ARRDC2: variants seen among roughly 807,000 people sequenced by gnomAD.
ARRDC2 encodes the protein arrestin domain-containing protein 2.
A neutral mutation model predicts 38.9 loss-of-function variants in ARRDC2; 39 were observed. The ratio of observed to expected loss-of-function variants is 1.00; its 90% CI spans 0.78 to 1.31. The LOEUF (loss-of-function observed/expected upper bound fraction) is 1.31, where lower values mean the gene tolerates loss of function less well. Ranked by LOEUF, ARRDC2 falls within the 50% of genes most tolerant of loss-of-function variation. ARRDC2 has a pLI of 0.00. For missense variants in ARRDC2, 553 were observed against 588.4 expected (o/e 0.94, Z 0.62); for synonymous variants, 300 against 261.9 (o/e 1.15, Z -1.41).
chr19:18,006,044 A>G (rs2033270093), upstream of ARRDC2, among the ~76,000 whole-genome samples: 1 of 144,780 alleles, frequency 6.9e-6, no homozygotes, highest in African/African-American at 2.6e-5. Flanking sequence ...CCGGGCAGAG[A>G]CGCTCCTCAC....
chr19:18,009,734 G>A (rs749410568), intron 4 of ARRDC2, 40 bp downstream of exon 4: 5 of 1,612,932 alleles, frequency 3.1e-6, no homozygotes, highest in Non-Finnish European at 4.2e-6. Flanking sequence ...GGGGGCTGGT[G>A]TTGGGGTTGC....
upstream of ARRDC2, among the ~76,000 whole-genome samples, chr19:18,005,971 C>T (rs1462133524): frequency 6.6e-6 from 1 of 150,878 alleles, no homozygotes; most frequent in Non-Finnish European, 1.5e-5. Context: ...GGCCGAGGCT[C>T]TCCTCACATC....
At chr19:18,005,143 CAG>C (rs1332125559), upstream of ARRDC2, among the ~76,000 whole-genome samples, 1 of 151,898 alleles carries the variant, frequency 6.6e-6, no homozygotes, top group Non-Finnish European at 1.5e-5. Flanking sequence ...TTTTCCTAGG[CAG>C]AGTGTTTGTG....
At chr19:18,001,612 C>G (rs1488075519) in intron 1 of ARRDC2, 3 of 1,296,692 alleles carry the variant, frequency 2.3e-6, no homozygotes, top group African/African-American at 1.5e-5. Flanking sequence ...GCAGCCGGGA[C>G]CCCCTCGGCC....
At chr19:18,010,149 G>T in intron 5 of ARRDC2, 47 bp from the exon 6 acceptor site, 1 of 1,607,322 alleles carries the variant, frequency 6.2e-7, no homozygotes, top group Admixed American at 1.7e-5. Flanking sequence ...GGAGGTGGGG[G>T]TTGGGGAGGC....
Position 18,008,238 on chromosome 19 carries a change from T to C in ARRDC2, c.-73T>C. 1 of 1,537,494 alleles carries C rather than the reference T, an allele frequency of 6.5e-7. No individual in the cohort carries two copies. Among genetic ancestry groups the C allele is most frequent in the Non-Finnish European group, 8.7e-7 (1 of 1,152,254 alleles). ...GATTTTGCGTTCTGAGGCTGCAGCGTCGGCATCTTGAGCTGCCGGTTCGCG... is the reference window on the plus strand; with the variant it reads ...GATTTTGCGTTCTGAGGCTGCAGCGCCGGCATCTTGAGCTGCCGGTTCGCG... On this transcript the variant is annotated 5_prime_UTR_variant, in exon 1 of 8. Coordinates refer to ENST00000222250, the MANE Select transcript of ARRDC2 (RefSeq NM_015683.2).
exon 1 of ARRDC2, chr19:18,001,439 G>T (rs2033184220): frequency 3.2e-6 from 4 of 1,242,084 alleles, no homozygotes; most frequent in Non-Finnish European, 4.0e-6. Flanking sequence ...CTGCGGGTGC[G>T]AGCGCTCGAG....
upstream of ARRDC2, chr19:18,008,162 G>A (rs922221897): frequency 3.6e-5 from 34 of 948,604 alleles, no homozygotes; most frequent in Non-Finnish European, 4.3e-5. Context: ...GCCGACGCAC[G>A]GCGCGGGGAT....
At chr19:18,001,696 A>T in intron 1 of ARRDC2, 2 of 1,144,050 alleles carry the variant, frequency 1.7e-6, no homozygotes, top group South Asian at 3.7e-5. Context: ...AAGGAGGGGG[A>T]AACCCCCTTC....
chr19:18,006,577 C>T (rs1287268977), upstream of ARRDC2, among the ~76,000 whole-genome samples: 1 of 152,168 alleles, frequency 6.6e-6, no homozygotes, highest in Non-Finnish European at 1.5e-5. Flanking sequence ...CAGCACAGTC[C>T]AGCTTCTGCT....
At position 18,009,946 on chromosome 19, in the gene ARRDC2, G is replaced by GCGGGCGCTGTGGCAGGGC; in HGVS notation, c.762_779dup (p.Trp256_Leu261dup). 4.4e-6 allele frequency: 7 copies of GCGGGCGCTGTGGCAGGGC among 1,605,320 alleles called. No homozygotes were observed. Among genetic ancestry groups the GCGGGCGCTGTGGCAGGGC allele is most frequent in the Non-Finnish European group, 5.9e-6 (7 of 1,179,138 alleles). ...CGGGCGAGCCGGTGGGCCCCGGGCA[G>GCGGGCGCTGTGGCAGGGC]CGGGCGCTGTGGCAGGGCCGGGCAC... On this transcript the variant is annotated inframe_insertion, in exon 5 of 8. Transcript: ENST00000222250.
At position 18,009,029 on chromosome 19, in the gene ARRDC2, A is replaced by C; in HGVS notation, c.400A>C (p.Thr134Pro). The change falls in exon 3 of 8, where the codon ACC becomes CCC. Residue 134 changes from threonine to proline, a missense_variant. By Grantham distance (38) the Thr-to-Pro change is conservative. This residue lies in a region of ARRDC2 where 447 missense variants were observed against 456.6 expected (regional missense o/e 0.98). Transcript: ENST00000222250. ...TAGTGTCCGCTACTGTATCAAGGCC[A>C]CCCTGCACCGGCCCTGGGTCCCAGC... is the stretch of plus-strand genomic sequence containing the variant. The part of the protein sequence containing the change: ...HGSVRYCIKA[T>P]LHRPWVPARR... 1.2e-6 allele frequency: 2 copies of C among 1,613,182 alleles called. No homozygotes were observed. The highest frequency in any genetic ancestry group is 2.7e-5 in the African/African-American group (2 of 74,832).
chr19:18,011,249 G>A (rs2033406206), intron 7 of ARRDC2, among the ~76,000 whole-genome samples: 2 of 151,948 alleles, frequency 1.3e-5, no homozygotes, highest in African/African-American at 2.4e-5. Flanking sequence ...GGCCTGCCTC[G>A]GCATCCCAAA....
At chr19:18,008,134 C>CCCCCCGGT, upstream of ARRDC2, 1 of 1,301,158 alleles carries the variant, frequency 7.7e-7, no homozygotes, top group Non-Finnish European at 9.9e-7. Flanking sequence ...CCCCCCCGCC[C>CCCCCCGGT]TGCCGTATAA....
chr19:18,013,103 G>A lies in ARRDC2; in HGVS notation c.*137G>A, dbSNP rs2033446742. ...AACCAAGTCTCAGAGTGAGGCGGGG[G>A]CCTTTCGGATATCACATGGGACAGA... On this transcript the variant is annotated 3_prime_UTR_variant, in exon 8 of 8. Coordinates refer to ENST00000222250, the MANE Select transcript of ARRDC2 (RefSeq NM_015683.2). The A allele has an allele frequency of 4.5e-6, 4 of 880,184 alleles. No individual in the cohort carries two copies. Among genetic ancestry groups the A allele is most frequent in the Admixed American group, 4.9e-5 (2 of 41,008 alleles). The allele number at this position is 880,184 out of a possible 1,614,324, so 54.5% of individuals were successfully genotyped here. A position where few individuals can be genotyped will look rare whatever the true frequency, so the allele number is the denominator to read the frequency against.
chr19:18,008,114 T>TGGGGGG, upstream of ARRDC2: 9 of 1,056,194 alleles, frequency 8.5e-6, no homozygotes, highest in African/African-American at 2.0e-5. Flanking sequence ...GAAGAGACGG[T>TGGGGGG]GACCCCACCC....
chr19:18,006,709 G>A (rs1465373921), upstream of ARRDC2, among the ~76,000 whole-genome samples: 1 of 152,212 alleles, frequency 6.6e-6, no homozygotes. Flanking sequence ...TGACACTGGA[G>A]GGGCGAGGCC....
At position 18,013,175 on chromosome 19, in the gene ARRDC2, G is replaced by A; in HGVS notation, c.*209G>A. 1.7e-6 allele frequency: 1 copy of A among 585,112 alleles called. No homozygotes were observed. Among genetic ancestry groups the A allele is most frequent in the Non-Finnish European group, 3.0e-6 (1 of 330,330 alleles). 36.2% of individuals were successfully genotyped at this position (585,112 alleles called of 1,614,324 possible). A position where few individuals can be genotyped will look rare whatever the true frequency, so the allele number is the denominator to read the frequency against. ...GACTTACCTGGACCGCTGTCCTTGTGAGGCATTGAATGCCCAGTGCAGTAT... is the reference window on the plus strand; with the variant it reads ...GACTTACCTGGACCGCTGTCCTTGTAAGGCATTGAATGCCCAGTGCAGTAT... On this transcript the variant is annotated 3_prime_UTR_variant, in exon 8 of 8. Transcript: ENST00000222250.
At position 18,010,429 on chromosome 19, in the gene ARRDC2, C is replaced by T. The variant is rs146969014; in HGVS notation, c.1012+71C>T. 4.5e-3 allele frequency: 7,064 copies of T among 1,569,500 alleles called. 28 individuals are homozygous for T. The highest frequency in any genetic ancestry group is 7.1e-3 in the South Asian group (624 of 87,702). ...GAGAGGTGGATGCCGGGTCAACTCTCTCACCACGAGTCCCCCGGAATCCCA... is the reference window on the plus strand; with the variant it reads ...GAGAGGTGGATGCCGGGTCAACTCTTTCACCACGAGTCCCCCGGAATCCCA... On this transcript the variant is annotated intron_variant, in intron 6 of 7. Coordinates refer to ENST00000222250, the MANE Select transcript of ARRDC2 (RefSeq NM_015683.2).
Sources: allele counts gnomAD v4.1 joint callset (sites outside exome capture counted in the v4.1 genomes callset), GRCh38; gene constraint gnomAD v4.1.1; regional missense constraint gnomAD v4.1.1; transcripts MANE v1.5; gene names NCBI Gene and HGNC (gene_info 2026-07-23, HGNC 2026-07-21).